The following GSG1L variants were observed in gnomAD, a reference collection of about 807,000 sequenced individuals.
GSG1L encodes GSG1 like.
GSG1L carries 24 observed loss-of-function variants against 42.1 expected under a neutral mutation model. The observed-to-expected ratio is 0.57, with a 90% CI of 0.41 to 0.80. The LOEUF (loss-of-function observed/expected upper bound fraction) is 0.80, where lower values mean the gene tolerates loss of function less well. Ranked by LOEUF, GSG1L falls within the 30% of genes least tolerant of loss-of-function variation. The pLI is 0.00. For synonymous variants in GSG1L, 215 were observed against 203.5 expected (o/e 1.06, Z -0.48); for missense variants, 445 against 472.2 (o/e 0.94, Z 0.53).
At chr16:28,011,695 T>A (rs2085720500) in intron 1 of GSG1L, among the ~76,000 whole-genome samples, 1 of 152,168 alleles carries the variant, frequency 6.6e-6, no homozygotes, top group South Asian at 2.1e-4. Flanking sequence ...TCGAGGACCA[T>A]GTGGACCAGG....
At position 27,946,051 on chromosome 16, in the gene GSG1L, C is replaced by T. The variant is rs2096528122; in HGVS notation, c.397+17105G>A. On this transcript the variant is annotated intron_variant, in intron 2 of 6. Transcript: ENST00000447459. ...AAAGCAGACCAAAGAAATTCCTGGG[C>T]CTGAGCAGTGGAAGAGGAACCAGGA... is the stretch of plus-strand genomic sequence containing the variant. Among the ~76,000 whole-genome samples the T allele has an allele frequency of 2.0e-5, 3 of 152,216 alleles. No homozygotes were observed. In the South Asian group the frequency reaches 6.2e-4, roughly 32 times the overall value.
intron 3 of GSG1L, among the ~76,000 whole-genome samples, chr16:27,869,730 T>C (rs952704133): frequency 2.0e-5 from 3 of 147,922 alleles, no homozygotes; most frequent in African/African-American, 7.7e-5. Flanking sequence ...TCTCTGTCTC[T>C]GTCTCCCTCC....
intron 5 of GSG1L, among the ~76,000 whole-genome samples, chr16:27,824,383 GAGA>G (rs2083184545): frequency 6.6e-6 from 1 of 152,138 alleles, no homozygotes; most frequent in Non-Finnish European, 1.5e-5. Context: ...CCCCGTGGAG[GAGA>G]AGGAAACCTG....
intron 1 of GSG1L, among the ~76,000 whole-genome samples, chr16:28,007,167 G>C (rs550740141): frequency 6.6e-6 from 1 of 152,198 alleles, no homozygotes; most frequent in Non-Finnish European, 1.5e-5. Context: ...GCTGGGTGAT[G>C]AAGATAAGGA....
At position 27,979,642 on chromosome 16, in the gene GSG1L, G is replaced by GGAAAGAAAGAAAGAAA. The variant is rs200521273; in HGVS notation, c.350-16455_350-16440dup. 1.3e-3 allele frequency among the ~76,000 whole-genome samples: 70 copies of GGAAAGAAAGAAAGAAA among 55,970 alleles called. 1 individual carries two copies. The highest frequency in any genetic ancestry group is 1.6e-3 in the Non-Finnish European group (48 of 30,300). The allele number at this position is 55,970 out of a possible 152,430, so 36.7% of individuals were successfully genotyped here. A position where few individuals can be genotyped will look rare whatever the true frequency, so the allele number is the denominator to read the frequency against. ...GAAAGGGAGATGGGCAGGAGGGAGG[G>GGAAAGAAAGAAAGAAA]GAAAGAAAGAAAGAAAGAAAGAGAG... On this transcript the variant is annotated intron_variant, in intron 1 of 6. Transcript: ENST00000447459.
At chr16:27,979,698 G>GAGAGAGAGA (rs1567542882) in intron 1 of GSG1L, among the ~76,000 whole-genome samples, 1 of 33,986 alleles carries the variant, frequency 2.9e-5, no homozygotes, top group African/African-American at 1.5e-4. Flanking sequence ...AAGGAAGGAA[G>GAGAGAGAGA]GAAGGAAGGA....
At chr16:27,888,039 C>A in intron 2 of GSG1L, 1 of 957,634 alleles carries the variant, frequency 1.0e-6, no homozygotes, top group South Asian at 4.8e-5. Flanking sequence ...GAGGTTTCAT[C>A]CCCAACCCAA....
chr16:27,836,643 C>G lies in GSG1L; in HGVS notation c.663-7687G>C, dbSNP rs59078442. 5.3e-3 allele frequency among the ~76,000 whole-genome samples: 801 copies of G among 152,176 alleles called. 3 individuals carry two copies. The highest frequency in any genetic ancestry group is 0.018 in the African/African-American group (759 of 41,522). ...TGTCCCTTCCATTCTGCTGTTGAGC[C>G]CAACCATTGAGCTTTCTATTTTGGT... is the stretch of plus-strand genomic sequence containing the variant. On this transcript the variant is annotated intron_variant, in intron 4 of 6. Coordinates refer to ENST00000447459, the MANE Select transcript of GSG1L (RefSeq NM_001109763.2).
In GSG1L at chr16:27,791,463, G is replaced by C. The variant is rs144387157; in HGVS notation, c.903C>G (p.His301Gln). 3.4e-6 allele frequency: 5 copies of C among 1,483,668 alleles called. No individual in the cohort carries two copies. The highest frequency in any genetic ancestry group is 2.7e-6 in the Non-Finnish European group (3 of 1,111,350). The allele number at this position is 1,483,668 out of a possible 1,614,324, so 91.9% of individuals were successfully genotyped here. A position where few individuals can be genotyped will look rare whatever the true frequency, so the allele number is the denominator to read the frequency against. ...GCCAGGAATCCGCCATGTGTGGCTG[G>C]TGTCCTGCCAGGAGACAAGGCGGTC... Reference protein sequence around the residue: ...DCRHERYPARHQPHMADSWPR... With the variant: ...DCRHERYPARQQPHMADSWPR... The change falls in exon 7 of 7, where the codon CAC becomes CAG. Residue 301 changes from histidine (H) to glutamine (Q), a missense_variant. By Grantham distance (24) the His-to-Gln change is conservative. Coordinates refer to ENST00000447459, the MANE Select transcript of GSG1L (RefSeq NM_001109763.2).
chr16:27,929,324 C>T lies in GSG1L; in HGVS notation c.397+33832G>A, dbSNP rs373676773. On this transcript the variant is annotated intron_variant, in intron 2 of 6. Transcript: ENST00000447459. ...TTGGGATTGGTCTTGCTCCTAGACC[C>T]GGGGATGGTCACACAACCCAGGCTT... is the stretch of plus-strand genomic sequence containing the variant. 4.9e-4 allele frequency among the ~76,000 whole-genome samples: 75 copies of T among 152,232 alleles called. 1 individual carries two copies. In the South Asian group the frequency reaches 0.014, roughly 28 times the overall value.
intron 1 of GSG1L, among the ~76,000 whole-genome samples, chr16:28,024,148 G>A (rs1466692858): frequency 6.6e-6 from 1 of 152,150 alleles, no homozygotes; most frequent in Non-Finnish European, 1.5e-5. Flanking sequence ...TAACCACCAC[G>A]TGCTCCTGAG....
At chr16:27,819,185 G>T (rs1012809393) in intron 5 of GSG1L, among the ~76,000 whole-genome samples, 8 of 151,792 alleles carry the variant, frequency 5.3e-5, no homozygotes, top group South Asian at 4.2e-4. Flanking sequence ...GGGAGGCAGA[G>T]GTTGCAGTGA....
At chr16:27,816,964 T>A (rs2083101105) in intron 5 of GSG1L, among the ~76,000 whole-genome samples, 1 of 152,216 alleles carries the variant, frequency 6.6e-6, no homozygotes, top group African/African-American at 2.4e-5. Context: ...TGGAGGTGAC[T>A]GTGCCATGTC....
At chr16:27,991,352 T>C (rs1429373408) in intron 1 of GSG1L, among the ~76,000 whole-genome samples, 1 of 152,082 alleles carries the variant, frequency 6.6e-6, no homozygotes, top group Non-Finnish European at 1.5e-5. Flanking sequence ...TTTTTCATTC[T>C]GGCATACAAA....
chr16:28,005,630 G>C (rs2085629734), intron 1 of GSG1L, among the ~76,000 whole-genome samples: 1 of 150,850 alleles, frequency 6.6e-6, no homozygotes, highest in Non-Finnish European at 1.5e-5. Context: ...TGGGGGGGGA[G>C]GGGCATAATT....
chr16:27,948,444 G>A (rs1274185453), intron 2 of GSG1L, among the ~76,000 whole-genome samples: 1 of 152,036 alleles, frequency 6.6e-6, no homozygotes, highest in Non-Finnish European at 1.5e-5. Flanking sequence ...CGTGATACTG[G>A]CTCACTTCAA....
At chr16:27,848,733 G>C (rs956118223) in intron 3 of GSG1L, among the ~76,000 whole-genome samples, 4 of 152,150 alleles carry the variant, frequency 2.6e-5, no homozygotes, top group Non-Finnish European at 4.4e-5. Flanking sequence ...CTTCAGCCTG[G>C]GTGGTTAGGG....
At chr16:27,949,414 C>A (rs1228959509) in intron 2 of GSG1L, among the ~76,000 whole-genome samples, 1 of 152,062 alleles carries the variant, frequency 6.6e-6, no homozygotes, top group East Asian at 1.9e-4. Flanking sequence ...GGGAAGGCAG[C>A]GTGAAATGAA....
rs11385465 is a variant in GSG1L at position 27,943,566 on chromosome 16, C to CTTTTTTTT, written c.397+19582_397+19589dup. 8.7e-4 allele frequency among the ~76,000 whole-genome samples: 59 copies of CTTTTTTTT among 67,724 alleles called. 1 individual carries two copies. Among genetic ancestry groups the CTTTTTTTT allele is most frequent in the Non-Finnish European group, 1.1e-3 (42 of 38,784 alleles). The allele number at this position is 67,724 out of a possible 152,430, so 44.4% of individuals were successfully genotyped here. A position where few individuals can be genotyped will look rare whatever the true frequency, so the allele number is the denominator to read the frequency against. On this transcript the variant is annotated intron_variant, in intron 2 of 6. Transcript: ENST00000447459. The stretch of plus-strand genomic sequence containing the variant: ...GCTAACATTTTCTTTTTCTTTGTTT[C>CTTTTTTTT]TTTTTTTTTTTTTTTTTTTTTTTTT...
Sources: allele counts gnomAD v4.1 joint callset (sites outside exome capture counted in the v4.1 genomes callset), GRCh38; gene constraint gnomAD v4.1.1; transcripts MANE v1.5; gene names NCBI Gene and HGNC (gene_info 2026-07-23, HGNC 2026-07-21).